Variants in SLCO2A1 observed in about 807,000 individuals in gnomAD.
SLCO2A1 encodes the protein matrin F/G 1.
Under a neutral mutation model 71.7 loss-of-function variants are expected in SLCO2A1, and 60 were observed. The observed-to-expected ratio is 0.84, with a 90% CI of 0.68 to 1.04. The LOEUF (loss-of-function observed/expected upper bound fraction) is 1.04, where lower values mean the gene tolerates loss of function less well. SLCO2A1 is among the 50% of genes least tolerant of loss of function. The pLI, the probability that SLCO2A1 is intolerant of heterozygous loss-of-function variation, is 0.00. For missense variants in SLCO2A1, 745 were observed against 813.4 expected, an observed-to-expected ratio of 0.92 and a Z score of 1.02; for synonymous variants, 308 against 326.7, an observed-to-expected ratio of 0.94 and a Z score of 0.62.
intron 1 of SLCO2A1, among the ~76,000 whole-genome samples, chr3:134,008,119 T>C (rs1372810112): frequency 6.6e-6 from 1 of 152,078 alleles, no homozygotes; most frequent in Non-Finnish European, 1.5e-5. Context: ...CATACGGAGG[T>C]TCTGTATGAG....
At chr3:133,940,875 G>A (rs1305616145) in intron 11 of SLCO2A1, among the ~76,000 whole-genome samples, 1 of 152,146 alleles carries the variant, frequency 6.6e-6, no homozygotes, top group Non-Finnish European at 1.5e-5. Context: ...GCAACTCTGA[G>A]GCATGAGTTA....
chr3:133,963,958 T>A (rs1354768859), intron 3 of SLCO2A1, among the ~76,000 whole-genome samples: 1 of 152,218 alleles, frequency 6.6e-6, no homozygotes, highest in East Asian at 1.9e-4. Flanking sequence ...AATTGGGTTG[T>A]TTGCAAATCA....
At chr3:134,026,986 C>T (rs1935711749) in intron 1 of SLCO2A1, among the ~76,000 whole-genome samples, 1 of 152,176 alleles carries the variant, frequency 6.6e-6, no homozygotes, top group South Asian at 2.1e-4. Flanking sequence ...GTAATAGGAA[C>T]CTGCTTACTG....
intron 1 of SLCO2A1, among the ~76,000 whole-genome samples, chr3:134,027,400 T>C (rs1935719903): frequency 6.6e-6 from 1 of 152,162 alleles, no homozygotes; most frequent in Non-Finnish European, 1.5e-5. Context: ...CCCTATTCTG[T>C]TTTGTTCCGA....
At chr3:134,000,615 G>T (rs1935087307) in intron 1 of SLCO2A1, among the ~76,000 whole-genome samples, 1 of 152,258 alleles carries the variant, frequency 6.6e-6, no homozygotes, top group South Asian at 2.1e-4. Context: ...TCTAGGAAAA[G>T]GCAGCCTCAC....
In SLCO2A1 at chr3:133,942,649, C is replaced by G. The variant is rs145832999; in HGVS notation, c.1581G>C (p.Leu527=). 555 of 1,613,682 alleles carry G rather than the reference C, an allele frequency of 3.4e-4. No individual in the cohort carries two copies. Among genetic ancestry groups the G allele is most frequent in the Non-Finnish European group, 4.5e-4 (531 of 1,179,888 alleles). The stretch of plus-strand genomic sequence containing the variant: ...GGGGGTTGTGGGAGATGCAGGCTAT[C>G]AGGGACACGAAGGAGATGAGGAAGA... ...PAIFLISFVS[L]IACISHNPLY... Residue 527 remains leucine (L), a synonymous_variant, in exon 11 of 14, where the codon CTG becomes CTC. Transcript: ENST00000310926.
intron 2 of SLCO2A1, among the ~76,000 whole-genome samples, chr3:133,978,264 T>C (rs1190398923): frequency 6.6e-6 from 1 of 152,164 alleles, no homozygotes; most frequent in Non-Finnish European, 1.5e-5. Context: ...GGCCTCGGCA[T>C]GCAGCCCTCA....
At chr3:133,956,824 C>T (rs1022729886) in intron 3 of SLCO2A1, among the ~76,000 whole-genome samples, 11 of 152,060 alleles carry the variant, frequency 7.2e-5, no homozygotes, top group Non-Finnish European at 1.0e-4. Context: ...ATTTATAAAA[C>T]GTTTGTGGAC....
intron 1 of SLCO2A1, among the ~76,000 whole-genome samples, chr3:134,013,193 T>C (rs1935375365): frequency 1.3e-5 from 2 of 152,188 alleles, no homozygotes; most frequent in South Asian, 4.1e-4. Flanking sequence ...AAATGCTCAC[T>C]GAGTGAGTGA....
At chr3:133,939,212 A>G (rs1487964918) in intron 11 of SLCO2A1, among the ~76,000 whole-genome samples, 3 of 152,160 alleles carry the variant, frequency 2.0e-5, no homozygotes, top group African/African-American at 4.8e-5. Flanking sequence ...CCTGCCCCTA[A>G]CCATCTTCCT....
chr3:134,003,254 C>G (rs1935138725), intron 1 of SLCO2A1, among the ~76,000 whole-genome samples: 1 of 152,230 alleles, frequency 6.6e-6, no homozygotes, highest in Non-Finnish European at 1.5e-5. Context: ...CCAGTTGCAG[C>G]CCTAGGAGAA....
In SLCO2A1 at chr3:133,939,985, G is replaced by A. The variant is rs1173727533; in HGVS notation, c.1626-1492C>T. Among the ~76,000 whole-genome samples, 5 of 117,588 alleles carry A rather than the reference G, an allele frequency of 4.3e-5. No individual in the cohort carries two copies. In the South Asian group the frequency reaches 7.7e-4, roughly 18 times the overall value. The allele number at this position is 117,588 out of a possible 152,430, so 77.1% of individuals were successfully genotyped here. Reference sequence around the variant, plus strand: ...ATCTTTTTTTTTTTTTTTTTTTTTCGGAGACAGAGTCTCATTCTGTCACCC... The same window carrying A: ...ATCTTTTTTTTTTTTTTTTTTTTTCAGAGACAGAGTCTCATTCTGTCACCC... On this transcript the variant is annotated intron_variant, in intron 11 of 13. Transcript: ENST00000310926.
chr3:133,997,142 G>T (rs1934984091), intron 1 of SLCO2A1, among the ~76,000 whole-genome samples: 1 of 152,094 alleles, frequency 6.6e-6, no homozygotes, highest in Non-Finnish European at 1.5e-5. Flanking sequence ...ACACCCTGGG[G>T]ATCTCCACTT....
chr3:134,002,661 C>T (rs1314958268), intron 1 of SLCO2A1, among the ~76,000 whole-genome samples: 2 of 152,160 alleles, frequency 1.3e-5, no homozygotes, highest in Admixed American at 1.3e-4. Flanking sequence ...TTCTGGGCCC[C>T]ACCTCCAGTT....
intron 5 of SLCO2A1, among the ~76,000 whole-genome samples, chr3:133,952,917 C>T (rs1332224011): frequency 1.3e-5 from 2 of 152,170 alleles, no homozygotes; most frequent in Non-Finnish European, 2.9e-5. Flanking sequence ...CCATGTTATA[C>T]CCTCTGGATG....
At chr3:133,941,877 G>A (rs1933432398) in intron 11 of SLCO2A1, among the ~76,000 whole-genome samples, 1 of 152,134 alleles carries the variant, frequency 6.6e-6, no homozygotes, top group African/African-American at 2.4e-5. Context: ...ATTTCTTTTA[G>A]GATTTAAAAA....
At chr3:134,021,629 G>T (rs186607926) in intron 1 of SLCO2A1, among the ~76,000 whole-genome samples, 1 of 151,810 alleles carries the variant, frequency 6.6e-6, no homozygotes, top group Non-Finnish European at 1.5e-5. Flanking sequence ...GACAGACAAA[G>T]AGGGAGTCAA....
intron 1 of SLCO2A1, among the ~76,000 whole-genome samples, chr3:134,011,769 T>C (rs1230178119): frequency 1.3e-5 from 2 of 152,190 alleles, no homozygotes; most frequent in Non-Finnish European, 2.9e-5. Flanking sequence ...TTCTACTTCC[T>C]CCAGAGAGAT....
intron 3 of SLCO2A1, among the ~76,000 whole-genome samples, chr3:133,958,188 G>C (rs2108047321): frequency 1.3e-5 from 2 of 152,366 alleles, no homozygotes; most frequent in African/African-American, 4.8e-5. Context: ...AGGTCAGGGT[G>C]GCTCTGAGTG....
Sources: gnomAD v4.1 joint callset for allele counts (sites outside exome capture counted in the v4.1 genomes callset) on GRCh38, gnomAD v4.1.1 for gene constraint, MANE v1.5 for transcripts, NCBI Gene and HGNC (gene_info 2026-07-23, HGNC 2026-07-21) for gene names.